HCRTR2: variants seen among roughly 807,000 people sequenced by gnomAD.
HCRTR2 encodes hypocretin receptor 2.
HCRTR2 carries 22 observed loss-of-function variants against 49.0 expected under a neutral mutation model. That is an observed-to-expected ratio of 0.45 (90% CI 0.32 to 0.64). HCRTR2 has a LOEUF of 0.64. HCRTR2 is among the 30% of genes least tolerant of loss of function. The probability of loss-of-function intolerance (pLI) is 0.04; values close to 1 mark genes in which losing one functional copy is unlikely to be tolerated. For missense variants in HCRTR2, 491 were observed against 559.4 expected, an observed-to-expected ratio of 0.88 and a Z score of 1.23; for synonymous variants, 236 against 205.3, an observed-to-expected ratio of 1.15 and a Z score of -1.28.
chr6:55,162,958 TA>T (rs1209414350), intron 1 of HCRTR2, among the ~76,000 whole-genome samples: 3 of 151,962 alleles, frequency 2.0e-5, no homozygotes, highest in Non-Finnish European at 2.9e-5. Context: ...ACAGAATTAG[TA>T]AAAAACTGGC....
chr6:55,113,056 T>C (rs1407871173), intron 1 of HCRTR2, among the ~76,000 whole-genome samples: 1 of 152,082 alleles, frequency 6.6e-6, no homozygotes, highest in African/African-American at 2.4e-5. Flanking sequence ...GGAATGGTGC[T>C]AGGATAACTG....
intron 4 of HCRTR2, among the ~76,000 whole-genome samples, chr6:55,272,618 TCTG>T (rs1766994144): frequency 6.6e-6 from 1 of 151,904 alleles, no homozygotes; most frequent in South Asian, 2.1e-4. Flanking sequence ...TTTAGAAAGT[TCTG>T]CTGCTGAAAC....
chr6:55,214,069 A>C (rs1290881071), intron 1 of HCRTR2, among the ~76,000 whole-genome samples: 1 of 152,210 alleles, frequency 6.6e-6, no homozygotes, highest in Non-Finnish European at 1.5e-5. Context: ...CATTGAGAAC[A>C]AAAGAGAGCT....
chr6:55,142,895 T>G (rs1335491109), intron 1 of HCRTR2, among the ~76,000 whole-genome samples: 4 of 151,974 alleles, frequency 2.6e-5, no homozygotes, highest in Non-Finnish European at 4.4e-5. Flanking sequence ...CATTTTGAAT[T>G]GTACATATTT....
intron 1 of HCRTR2, among the ~76,000 whole-genome samples, chr6:55,177,205 A>G (rs1581809849): frequency 6.6e-6 from 1 of 152,198 alleles, no homozygotes; most frequent in East Asian, 1.9e-4. Context: ...CCTAAAAAGA[A>G]AGATTTACTC....
chr6:55,134,313 A>G (rs1319452114), intron 1 of HCRTR2, among the ~76,000 whole-genome samples: 2 of 151,838 alleles, frequency 1.3e-5, no homozygotes, highest in South Asian at 2.1e-4. Flanking sequence ...AGAAATTTAT[A>G]TTTGTCATTA....
chr6:55,240,819 G>C (rs114944877), intron 1 of HCRTR2: 1 of 414,410 alleles, frequency 2.4e-6, no homozygotes, highest in African/African-American at 2.1e-5. Flanking sequence ...TTTGAAAATA[G>C]GAGTTAAATA....
At chr6:55,235,155 G>C (rs944301102) in intron 1 of HCRTR2, among the ~76,000 whole-genome samples, 10 of 152,000 alleles carry the variant, frequency 6.6e-5, no homozygotes, top group African/African-American at 2.4e-4. Context: ...ATCAGTATAC[G>C]GATTTCCTTT....
chr6:55,167,342 A>G (rs983082406), intron 1 of HCRTR2, among the ~76,000 whole-genome samples: 2 of 152,136 alleles, frequency 1.3e-5, no homozygotes, highest in Non-Finnish European at 2.9e-5. Flanking sequence ...CACCATAACT[A>G]TATGGAGTTC....
chr6:55,225,122 A>G (rs930312128), intron 1 of HCRTR2, among the ~76,000 whole-genome samples: 6 of 152,170 alleles, frequency 3.9e-5, no homozygotes, highest in African/African-American at 1.4e-4. Context: ...ACAAATATAT[A>G]CAATTTTTAT....
chr6:55,180,491 A>G (rs553214890), intron 1 of HCRTR2, among the ~76,000 whole-genome samples: 8 of 152,336 alleles, frequency 5.3e-5, no homozygotes, highest in African/African-American at 1.2e-4. Flanking sequence ...TGATAAGCCA[A>G]TCAAGGTCGG....
chr6:55,252,023 T>C (rs1360535928), intron 2 of HCRTR2, among the ~76,000 whole-genome samples: 1 of 152,166 alleles, frequency 6.6e-6, no homozygotes, highest in African/African-American at 2.4e-5. Context: ...CTTTCACTTA[T>C]AATTACTTAT....
chr6:55,159,158 G>A (rs546596180), intron 1 of HCRTR2, among the ~76,000 whole-genome samples: 4 of 152,200 alleles, frequency 2.6e-5, no homozygotes, highest in African/African-American at 9.6e-5. Flanking sequence ...TGATACCCAG[G>A]CAAATAGGGT....
chr6:55,263,627 A>T (rs1023555051), intron 3 of HCRTR2, 80 bp from the exon 4 acceptor site: 2 of 758,554 alleles, frequency 2.6e-6, no homozygotes, highest in African/African-American at 3.4e-5. Context: ...ATGCACTTTG[A>T]AGAAAAGCAT....
intron 1 of HCRTR2, among the ~76,000 whole-genome samples, chr6:55,198,498 C>T (rs1455925763): frequency 1.3e-5 from 2 of 152,134 alleles, no homozygotes; most frequent in African/African-American, 4.8e-5. Flanking sequence ...TTAAACCTAC[C>T]TCTAATCCAA....
chr6:55,133,607 G>C (rs1045598014), intron 1 of HCRTR2, among the ~76,000 whole-genome samples: 1 of 151,706 alleles, frequency 6.6e-6, no homozygotes, highest in African/African-American at 2.4e-5. Flanking sequence ...AACATTGTAC[G>C]TTCTAAGAAC....
At chr6:55,165,157 A>T (rs903970062) in intron 1 of HCRTR2, among the ~76,000 whole-genome samples, 1 of 152,100 alleles carries the variant, frequency 6.6e-6, no homozygotes, top group Non-Finnish European at 1.5e-5. Context: ...AATGAAGCAT[A>T]CCTACAGGAT....
chr6:55,218,238 T>C (rs1217550316), intron 1 of HCRTR2, among the ~76,000 whole-genome samples: 1 of 152,168 alleles, frequency 6.6e-6, no homozygotes, highest in East Asian at 1.9e-4. Flanking sequence ...ACTGTTACAT[T>C]GGGGATGAAG....
upstream of HCRTR2, among the ~76,000 whole-genome samples, chr6:55,171,079 T>A (rs555303500): frequency 2.0e-5 from 3 of 152,270 alleles, no homozygotes; most frequent in East Asian, 5.8e-4. Flanking sequence ...TGATTTATAA[T>A]CCTTTGTGTA....
Sources: gnomAD v4.1 joint callset for allele counts (sites outside exome capture counted in the v4.1 genomes callset) on GRCh38, gnomAD v4.1.1 for gene constraint, MANE v1.5 for transcripts, NCBI Gene and HGNC (gene_info 2026-07-23, HGNC 2026-07-21) for gene names.